ZMAT4: variants seen among roughly 807,000 people sequenced by gnomAD.
ZMAT4 encodes the protein zinc finger matrin-type protein 4.
Under a neutral mutation model 28.7 loss-of-function variants are expected in ZMAT4, and 17 were observed. The ratio of observed to expected loss-of-function variants is 0.59; its 90% CI spans 0.41 to 0.89. ZMAT4 has a LOEUF of 0.89. ZMAT4 is among the 40% of genes least tolerant of loss of function. The pLI is 0.00. For synonymous variants in ZMAT4, 117 were observed against 109.2 expected (o/e 1.07, Z -0.44); for missense variants, 240 against 283.8 (o/e 0.85, Z 1.11).
chr8:40,655,699 C>A (rs1000788300), intron 5 of ZMAT4, among the ~76,000 whole-genome samples: 4 of 151,986 alleles, frequency 2.6e-5, no homozygotes, highest in Non-Finnish European at 5.9e-5. Context: ...CATGACAATG[C>A]AATAAGAGAA....
intron 2 of ZMAT4, among the ~76,000 whole-genome samples, chr8:40,812,059 C>T (rs926112583): frequency 1.5e-4 from 23 of 151,996 alleles, no homozygotes; most frequent in African/African-American, 2.9e-4. Flanking sequence ...TGAATTTGGG[C>T]GGCAGAGGTT....
intron 2 of ZMAT4, among the ~76,000 whole-genome samples, chr8:40,821,550 A>G (rs1815829997): frequency 6.6e-6 from 1 of 152,166 alleles, no homozygotes. Flanking sequence ...GGTTAGACAT[A>G]TATTAGGTTT....
intron 6 of ZMAT4, among the ~76,000 whole-genome samples, chr8:40,573,244 T>A (rs1237973766): frequency 6.6e-6 from 1 of 152,142 alleles, no homozygotes; most frequent in Non-Finnish European, 1.5e-5. Context: ...ATGTGGGTAG[T>A]TTACAGCAGA....
At chr8:40,895,244 T>A (rs1818828912) in intron 1 of ZMAT4, among the ~76,000 whole-genome samples, 1 of 152,236 alleles carries the variant, frequency 6.6e-6, no homozygotes, top group Admixed American at 6.5e-5. Flanking sequence ...GCCAAAGCCA[T>A]CATGTTTGAT....
At chr8:40,611,996 G>T (rs1805814799) in intron 5 of ZMAT4, among the ~76,000 whole-genome samples, 1 of 152,202 alleles carries the variant, frequency 6.6e-6, no homozygotes, top group South Asian at 2.1e-4. Context: ...GAGTAGTCCA[G>T]CACATGGGAG....
At chr8:40,818,534 A>T (rs1359358170) in intron 2 of ZMAT4, among the ~76,000 whole-genome samples, 1 of 152,250 alleles carries the variant, frequency 6.6e-6, no homozygotes, top group Non-Finnish European at 1.5e-5. Context: ...TTAAGCACTC[A>T]TGATGCCAAG....
At chr8:40,826,024 C>T (rs937857733) in intron 1 of ZMAT4, among the ~76,000 whole-genome samples, 4 of 152,066 alleles carry the variant, frequency 2.6e-5, no homozygotes, top group African/African-American at 7.2e-5. Flanking sequence ...TTTGGGAGGC[C>T]GAGGTGGGAG....
At chr8:40,711,938 A>G (rs141186990) in intron 3 of ZMAT4, among the ~76,000 whole-genome samples, 1 of 152,334 alleles carries the variant, frequency 6.6e-6, no homozygotes, top group East Asian at 1.9e-4. Context: ...TCTGTTTTCT[A>G]AATTTTGTAT....
At chr8:40,735,290 G>A (rs1811715703) in intron 3 of ZMAT4, among the ~76,000 whole-genome samples, 1 of 152,112 alleles carries the variant, frequency 6.6e-6, no homozygotes, top group Non-Finnish European at 1.5e-5. Flanking sequence ...AGTATTTGTT[G>A]AATAAAGGAA....
chr8:40,779,779 A>G (rs555798829), intron 2 of ZMAT4, among the ~76,000 whole-genome samples: 1 of 152,186 alleles, frequency 6.6e-6, no homozygotes, highest in Non-Finnish European at 1.5e-5. Flanking sequence ...TGCCAAGCCC[A>G]GATTGGCAGG....
At chr8:40,600,391 A>G (rs551553119) in intron 5 of ZMAT4, among the ~76,000 whole-genome samples, 1 of 152,180 alleles carries the variant, frequency 6.6e-6, no homozygotes, top group African/African-American at 2.4e-5. Flanking sequence ...CTACCAAGAT[A>G]AAAATGGGCA....
chr8:40,729,602 T>TTTTC (rs1554547115), intron 3 of ZMAT4, among the ~76,000 whole-genome samples: 3,802 of 93,518 alleles, frequency 0.041, 161 homozygotes, highest in African/African-American at 0.098. Flanking sequence ...TCTTTCTTTT[T>TTTTC]TTTTTTTTTT....
At chr8:40,691,473 C>A (rs368445589) in intron 4 of ZMAT4, among the ~76,000 whole-genome samples, 1 of 151,890 alleles carries the variant, frequency 6.6e-6, no homozygotes, top group African/African-American at 2.4e-5. Context: ...CAGAATGTCA[C>A]CGTGTTCAAC....
intron 5 of ZMAT4, among the ~76,000 whole-genome samples, chr8:40,634,267 G>A (rs1585789862): frequency 6.6e-6 from 1 of 152,172 alleles, no homozygotes; most frequent in East Asian, 1.9e-4. Context: ...TGGACTGAAT[G>A]AAGTTAATTT....
At chr8:40,877,013 A>G (rs1300029703) in intron 1 of ZMAT4, among the ~76,000 whole-genome samples, 4 of 152,244 alleles carry the variant, frequency 2.6e-5, no homozygotes, top group Non-Finnish European at 5.9e-5. Flanking sequence ...CTTTATTTAG[A>G]AAGAAGGTCT....
intron 5 of ZMAT4, among the ~76,000 whole-genome samples, chr8:40,647,381 G>A (rs1478028383): frequency 2.0e-5 from 3 of 152,192 alleles, no homozygotes; most frequent in Non-Finnish European, 2.9e-5. Context: ...CTTAAAACAC[G>A]GCGCACCACA....
At chr8:40,725,628 T>C (rs909269055) in intron 3 of ZMAT4, among the ~76,000 whole-genome samples, 4 of 152,146 alleles carry the variant, frequency 2.6e-5, no homozygotes, top group Non-Finnish European at 5.9e-5. Flanking sequence ...CTGGGGCTTA[T>C]GTACACTAAA....
At chr8:40,645,664 T>C (rs1585808131) in intron 5 of ZMAT4, among the ~76,000 whole-genome samples, 1 of 152,130 alleles carries the variant, frequency 6.6e-6, no homozygotes, top group South Asian at 2.1e-4. Flanking sequence ...ACTGAAATGC[T>C]TCAAGTTTGG....
At chr8:40,682,824 C>T (rs1809236134) in intron 4 of ZMAT4, among the ~76,000 whole-genome samples, 1 of 152,140 alleles carries the variant, frequency 6.6e-6, no homozygotes, top group Admixed American at 6.5e-5. Context: ...AGAATAATTC[C>T]CTCTAGTTTC....
Sources: allele counts gnomAD v4.1 joint callset (sites outside exome capture counted in the v4.1 genomes callset), GRCh38; gene constraint gnomAD v4.1.1; transcripts MANE v1.5; gene names NCBI Gene and HGNC (gene_info 2026-07-23, HGNC 2026-07-21).